Variants in HSDL2 observed in about 807,000 individuals in gnomAD.
HSDL2 encodes hydroxysteroid dehydrogenase like 2.
A neutral mutation model predicts 46.3 loss-of-function variants in HSDL2; 27 were observed. The observed-to-expected ratio is 0.58, with a 90% CI of 0.43 to 0.80. HSDL2 has a LOEUF of 0.80. Among genes scored for constraint, HSDL2 ranks in the 30% least tolerant of loss-of-function variants. The pLI, the probability that HSDL2 is intolerant of heterozygous loss-of-function variation, is 0.00. For synonymous variants in HSDL2, 153 were observed against 163.6 expected (o/e 0.94, Z 0.50); for missense variants, 451 against 502.7 (o/e 0.90, Z 0.98).
chr9:112,443,039 T>C (rs1170756293), intron 8 of HSDL2, among the ~76,000 whole-genome samples: 1 of 152,182 alleles, frequency 6.6e-6, no homozygotes, highest in African/African-American at 2.4e-5. Flanking sequence ...AAAACAAGAC[T>C]GTCAGTCTGT....
intron 8 of HSDL2, among the ~76,000 whole-genome samples, chr9:112,452,540 A>C (rs1408972745): frequency 6.6e-6 from 1 of 152,024 alleles, no homozygotes; most frequent in African/African-American, 2.4e-5. Flanking sequence ...TGAGGTAAGG[A>C]GTTTGAGACC....
Position 112,406,558 on chromosome 9 carries a change from C to T in HSDL2, c.280+836C>T, listed in dbSNP as rs567181968. ...CAATCTCGGCTCACTGCAACCTCTG[C>T]CTCCTGGGTTCAAGCGATTCTCCTG... is the stretch of plus-strand genomic sequence containing the variant. On this transcript the variant is annotated intron_variant, in intron 3 of 10. Transcript: ENST00000398805. Among the ~76,000 whole-genome samples the T allele has an allele frequency of 2.9e-4, 44 of 152,150 alleles. 2 individuals are homozygous for T. The highest frequency in any genetic ancestry group is 2.7e-3 in the Admixed American group (42 of 15,274).
rs1247389814 is a variant in HSDL2 at position 112,411,857 on chromosome 9, T to C, written c.395+2836T>C. On this transcript the variant is annotated intron_variant, in intron 4 of 10. Transcript: ENST00000398805. ...TGGCAACTTTGTGAAAGAATTTCAATTGAATGTTAAGTATTTGTTTAAACA... is the reference window on the plus strand; with the variant it reads ...TGGCAACTTTGTGAAAGAATTTCAACTGAATGTTAAGTATTTGTTTAAACA... 2.6e-5 allele frequency among the ~76,000 whole-genome samples: 4 copies of C among 152,198 alleles called. No homozygotes were observed. The East Asian group carries it at 5.8e-4, about 22-fold the overall frequency.
At chr9:112,391,973 A>G (rs764719460) in intron 1 of HSDL2, among the ~76,000 whole-genome samples, 1 of 152,234 alleles carries the variant, frequency 6.6e-6, no homozygotes, top group Non-Finnish European at 1.5e-5. Context: ...ACCTGCCCCA[A>G]GTATTTCAAC....
chr9:112,409,975 T>G (rs1831822818), intron 4 of HSDL2, among the ~76,000 whole-genome samples: 1 of 152,062 alleles, frequency 6.6e-6, no homozygotes, highest in African/African-American at 2.4e-5. Context: ...TATTTAGGAT[T>G]ACTGAAGCCA....
chr9:112,412,581 A>T (rs1831898663), intron 4 of HSDL2, among the ~76,000 whole-genome samples: 1 of 151,904 alleles, frequency 6.6e-6, no homozygotes, highest in Admixed American at 6.5e-5. Context: ...ATTGAATTTT[A>T]TGTAGATTTG....
At chr9:112,428,503 C>G (rs1832303060) in intron 6 of HSDL2, among the ~76,000 whole-genome samples, 1 of 152,146 alleles carries the variant, frequency 6.6e-6, no homozygotes, top group Non-Finnish European at 1.5e-5. Flanking sequence ...GTTGGTGAGG[C>G]ATGAAATCAA....
rs187294371 is a variant in HSDL2, at chr9:112,442,558, C to A, written c.865+788C>A. 2.0e-5 allele frequency among the ~76,000 whole-genome samples: 3 copies of A among 152,100 alleles called. No homozygotes were observed. In the East Asian group the frequency reaches 5.8e-4, roughly 29 times the overall value. ...TTCTGTAATTCATAAACAATAGTGC[C>A]CTTGAATTGGTCCAGAGTTTACATT... On this transcript the variant is annotated intron_variant, in intron 8 of 10. Transcript: ENST00000398805.
intron 9 of HSDL2, among the ~76,000 whole-genome samples, chr9:112,456,286 T>G (rs1205687583): frequency 6.6e-6 from 1 of 152,206 alleles, no homozygotes; most frequent in Non-Finnish European, 1.5e-5. Context: ...CTCATTCCCC[T>G]GAACACACCC....
chr9:112,407,016 G>T (rs1420144767), intron 3 of HSDL2, among the ~76,000 whole-genome samples: 1 of 152,160 alleles, frequency 6.6e-6, no homozygotes, highest in African/African-American at 2.4e-5. Context: ...GGAAAATGAG[G>T]GAATGCTTCA....
rs370418451 is a variant in HSDL2, at chr9:112,415,796, AAAAC to A, written c.396-1035_396-1032del. ...AAGCAAACAAAAGTACCCTATGAACAAAACAAACAAACAGTTCCCTACAGATTTC... is the reference window on the plus strand; with the variant it reads ...AAGCAAACAAAAGTACCCTATGAACAAAACAAACAGTTCCCTACAGATTTC... On this transcript the variant is annotated intron_variant, in intron 4 of 10. Coordinates refer to ENST00000398805, the MANE Select transcript of HSDL2 (RefSeq NM_032303.5). Among the ~76,000 whole-genome samples the A allele has an allele frequency of 2.6e-3, 400 of 152,326 alleles. 1 individual carries two copies. Among genetic ancestry groups the A allele is most frequent in the African/African-American group, 9.0e-3 (375 of 41,580 alleles).
chr9:112,426,193 A>T (rs1401711673), intron 6 of HSDL2, among the ~76,000 whole-genome samples: 3 of 149,520 alleles, frequency 2.0e-5, no homozygotes, highest in African/African-American at 7.4e-5. Context: ...TCTTCTTTTA[A>T]GGTTTCTTTC....
chr9:112,456,454 C>G (rs1833027219), intron 9 of HSDL2, among the ~76,000 whole-genome samples: 1 of 152,296 alleles, frequency 6.6e-6, no homozygotes, highest in Admixed American at 6.5e-5. Flanking sequence ...GCTCCTTCCC[C>G]AGTCCTTCAT....
At chr9:112,440,413 AAG>A (rs1394042665) in intron 7 of HSDL2, among the ~76,000 whole-genome samples, 2 of 151,928 alleles carry the variant, frequency 1.3e-5, no homozygotes, top group Admixed American at 1.3e-4. Flanking sequence ...CAAAAAAAAA[AAG>A]AGAGAAAAGA....
rs183600101 is a variant in HSDL2, at chr9:112,391,812, C to T, written c.17+11632C>T. Among the ~76,000 whole-genome samples, 1,008 of 147,842 alleles carry T rather than the reference C, an allele frequency of 6.8e-3. 14 individuals are homozygous for T. The highest frequency in any genetic ancestry group is 0.023 in the African/African-American group (936 of 39,908). On this transcript the variant is annotated intron_variant, in intron 1 of 10. Transcript: ENST00000398805. ...CCCAGCTACTTGGGAGGCTGACGCACGAGAATCACTTGAACCCAGGAGGTG... is the reference window on the plus strand; with the variant it reads ...CCCAGCTACTTGGGAGGCTGACGCATGAGAATCACTTGAACCCAGGAGGTG...
intron 6 of HSDL2, among the ~76,000 whole-genome samples, chr9:112,425,087 G>A (rs1053257469): frequency 1.3e-5 from 2 of 151,980 alleles, no homozygotes; most frequent in Non-Finnish European, 2.9e-5. Context: ...ACCTATATTT[G>A]TTGTGTTCTT....
chr9:112,456,432 C>A (rs1182244018), intron 9 of HSDL2, among the ~76,000 whole-genome samples: 1 of 152,166 alleles, frequency 6.6e-6, no homozygotes, highest in East Asian at 1.9e-4. Context: ...ACCACACTTT[C>A]CTTCTGGAAA....
intron 9 of HSDL2, among the ~76,000 whole-genome samples, chr9:112,458,253 C>T (rs577295773): frequency 6.6e-6 from 1 of 152,174 alleles, no homozygotes; most frequent in Admixed American, 6.5e-5. Flanking sequence ...ACTGAGCTTT[C>T]CTGACCCTTT....
chr9:112,445,435 ACTTC>A (rs1832734877), intron 8 of HSDL2, among the ~76,000 whole-genome samples: 1 of 151,334 alleles, frequency 6.6e-6, no homozygotes, highest in Non-Finnish European at 1.5e-5. Context: ...TATGGTGCTC[ACTTC>A]CTTTTTCATT....
Sources: allele counts gnomAD v4.1 joint callset (sites outside exome capture counted in the v4.1 genomes callset), GRCh38; gene constraint gnomAD v4.1.1; transcripts MANE v1.5; gene names NCBI Gene and HGNC (gene_info 2026-07-23, HGNC 2026-07-21).